THSD4: variants seen among roughly 807,000 people sequenced by gnomAD.
The protein encoded by THSD4 is thrombospondin type-1 domain-containing protein 4.
A neutral mutation model predicts 119.0 loss-of-function variants in THSD4; 69 were observed. That is an observed-to-expected ratio of 0.58 (90% CI 0.48 to 0.71). The LOEUF is 0.71. Ranked by LOEUF, THSD4 falls within the 30% of genes least tolerant of loss-of-function variation. The pLI, the probability that THSD4 is intolerant of heterozygous loss-of-function variation, is 0.00. For synonymous variants in THSD4, 524 were observed against 540.4 expected (o/e 0.97, Z 0.42); for missense variants, 1,393 against 1,391.1 (o/e 1.00, Z -0.02).
At chr15:71,392,889 G>T (rs1168280627) in intron 6 of THSD4, among the ~76,000 whole-genome samples, 1 of 152,154 alleles carries the variant, frequency 6.6e-6, no homozygotes, top group Non-Finnish European at 1.5e-5. Flanking sequence ...TTTCAATTAG[G>T]TTCTGGCACG....
chr15:71,714,457 C>G (rs11631017), intron 8 of THSD4, among the ~76,000 whole-genome samples: 82,237 of 152,114 alleles, frequency 0.54, 26,526 homozygotes, highest in East Asian at 0.8. Context: ...TTAGGAGTGT[C>G]TATTGTACAT....
chr15:71,530,936 A>T (rs1411595917), intron 7 of THSD4, among the ~76,000 whole-genome samples: 2 of 149,246 alleles, frequency 1.3e-5, no homozygotes, highest in Non-Finnish European at 3.0e-5. Flanking sequence ...AGAGAAATTA[A>T]ATGGGGGGCG....
In THSD4 at chr15:71,482,746, C is replaced by T. The variant is rs149241637; in HGVS notation, c.1152+70923C>T. ...GACTACAGGTGGCCGCCTCCACACA[C>T]GGCTAATATTTTGTGGTTTTAGTAG... is the stretch of plus-strand genomic sequence containing the variant. On this transcript the variant is annotated intron_variant, in intron 7 of 17. Coordinates refer to ENST00000261862, the MANE Select transcript of THSD4 (RefSeq NM_024817.3). 9.5e-4 allele frequency among the ~76,000 whole-genome samples: 144 copies of T among 152,158 alleles called. 2 individuals carry two copies. In the East Asian group the frequency reaches 0.024, roughly 25 times the overall value.
chr15:71,189,926 G>C lies in THSD4; in HGVS notation c.100-25109G>C, dbSNP rs148232022. On this transcript the variant is annotated intron_variant, in intron 3 of 17. Coordinates refer to ENST00000261862, the MANE Select transcript of THSD4 (RefSeq NM_024817.3). ...TGAGGAGGATACTCAGAACTGCTGCGGGAGAGGCTGCTGATGCTCATCCCG... is the reference window on the plus strand; with the variant it reads ...TGAGGAGGATACTCAGAACTGCTGCCGGAGAGGCTGCTGATGCTCATCCCG... 3.9e-5 allele frequency among the ~76,000 whole-genome samples: 6 copies of C among 152,244 alleles called. No homozygotes were observed. In the East Asian group the frequency reaches 1.2e-3, roughly 29 times the overall value.
chr15:71,680,916 A>ATTTT (rs771191395), intron 8 of THSD4, among the ~76,000 whole-genome samples: 1 of 135,508 alleles, frequency 7.4e-6, no homozygotes, highest in African/African-American at 2.8e-5. Flanking sequence ...ATTACTAGTA[A>ATTTT]TTTTTTTTTT....
At chr15:71,356,025 A>G (rs2045805239) in intron 6 of THSD4, among the ~76,000 whole-genome samples, 2 of 151,792 alleles carry the variant, frequency 1.3e-5, no homozygotes, top group Admixed American at 1.3e-4. Flanking sequence ...GCGTCACCAC[A>G]CCTGGCTAAT....
rs143257420 is a variant in THSD4 at position 71,745,261 on chromosome 15, G to A, written c.2036+26G>A. On this transcript the variant is annotated intron_variant, in intron 12 of 17. Transcript: ENST00000261862. ...GTAAGAAGGCCCCTCCATTTAGGTC[G>A]CCTATTACCGGGTCACTTCAGGTCA... The A allele has an allele frequency of 2.7e-3, 4,309 of 1,612,592 alleles. 17 individuals are homozygous for A. Among genetic ancestry groups the A allele is most frequent in the Admixed American group, 6.2e-3 (372 of 59,918 alleles).
At chr15:71,293,654 A>G (rs1435167928) in intron 6 of THSD4, among the ~76,000 whole-genome samples, 1 of 152,110 alleles carries the variant, frequency 6.6e-6, no homozygotes, top group Admixed American at 6.5e-5. Context: ...AATGTTTGCA[A>G]CTTACACTCA....
At chr15:71,322,745 G>C (rs898086805) in intron 6 of THSD4, among the ~76,000 whole-genome samples, 1 of 152,114 alleles carries the variant, frequency 6.6e-6, no homozygotes. Flanking sequence ...CTCTCCACAA[G>C]GCTGCTTGAG....
At chr15:71,111,735 CA>C, upstream of THSD4, 2 of 521,190 alleles carry the variant, frequency 3.8e-6, no homozygotes, top group South Asian at 5.7e-5. Flanking sequence ...ATCCCACTTC[CA>C]AATGCTAGCA....
At chr15:71,548,508 T>A (rs1301736620) in intron 7 of THSD4, among the ~76,000 whole-genome samples, 2 of 152,184 alleles carry the variant, frequency 1.3e-5, no homozygotes, top group East Asian at 1.9e-4. Flanking sequence ...TAGCTGTGGT[T>A]TCAGCAGGCT....
rs1049712196 is a variant in THSD4 at position 71,211,489 on chromosome 15, G to T, written c.100-3546G>T. Reference sequence around the variant, plus strand: ...AAAACTGGTTTCTCTTCCTTACTCTGGTCTCTCTTCTGCTTATAAGGACAT... The same window carrying T: ...AAAACTGGTTTCTCTTCCTTACTCTTGTCTCTCTTCTGCTTATAAGGACAT... On this transcript the variant is annotated intron_variant, in intron 3 of 17. Transcript: ENST00000261862. 2.6e-5 allele frequency among the ~76,000 whole-genome samples: 4 copies of T among 152,006 alleles called. No individual in the cohort carries two copies. In the East Asian group the frequency reaches 7.7e-4, roughly 29 times the overall value.
intron 1 of THSD4, among the ~76,000 whole-genome samples, chr15:71,126,912 C>G (rs1214737262): frequency 6.6e-6 from 1 of 152,160 alleles, no homozygotes; most frequent in East Asian, 1.9e-4. Flanking sequence ...TATTCCTCAC[C>G]TCAAATACTT....
chr15:71,543,196 G>T (rs2048786460), intron 7 of THSD4, among the ~76,000 whole-genome samples: 2 of 152,222 alleles, frequency 1.3e-5, no homozygotes, highest in Admixed American at 1.3e-4. Flanking sequence ...ATTGTGAAGA[G>T]ATGCCATGAT....
intron 6 of THSD4, among the ~76,000 whole-genome samples, chr15:71,343,543 A>C (rs1400807050): frequency 1.3e-5 from 2 of 152,080 alleles, no homozygotes; most frequent in African/African-American, 2.4e-5. Flanking sequence ...GGCACCCAGC[A>C]ATCACTGGCC....
intron 15 of THSD4, among the ~76,000 whole-genome samples, chr15:71,764,126 G>A (rs1349253725): frequency 6.6e-6 from 1 of 150,724 alleles, no homozygotes. Flanking sequence ...CACACCTGTG[G>A]TCCCAGCTAC....
At chr15:71,699,525 A>G (rs2052242086) in intron 8 of THSD4, among the ~76,000 whole-genome samples, 1 of 152,206 alleles carries the variant, frequency 6.6e-6, no homozygotes, top group South Asian at 2.1e-4. Flanking sequence ...TAGACATTTC[A>G]CATTTTACTT....
intron 8 of THSD4, among the ~76,000 whole-genome samples, chr15:71,696,029 G>A (rs539250425): frequency 6.6e-6 from 1 of 152,300 alleles, no homozygotes; most frequent in East Asian, 1.9e-4. Context: ...GCACAGAGAG[G>A]CCTCAATAAA....
chr15:71,258,360 G>A (rs2044345505), intron 6 of THSD4, among the ~76,000 whole-genome samples: 1 of 152,078 alleles, frequency 6.6e-6, no homozygotes, highest in Non-Finnish European at 1.5e-5. Context: ...TGTATTTTTA[G>A]TAGAGGCAGG....
Sources: gnomAD v4.1 joint callset for allele counts (sites outside exome capture counted in the v4.1 genomes callset) on GRCh38, gnomAD v4.1.1 for gene constraint, MANE v1.5 for transcripts, NCBI Gene and HGNC (gene_info 2026-07-23, HGNC 2026-07-21) for gene names.